Variants in MED16 observed in about 807,000 individuals in gnomAD.
MED16 encodes mediator complex subunit 16.
A neutral mutation model predicts 84.4 loss-of-function variants in MED16; 81 were observed. The ratio of observed to expected loss-of-function variants is 0.96; its 90% CI spans 0.80 to 1.15. MED16 has a LOEUF of 1.15. Ranked by LOEUF, MED16 falls within the 50% of genes most tolerant of loss-of-function variation. MED16 has a pLI of 0.00. For synonymous variants in MED16, 897 were observed against 552.2 expected, an observed-to-expected ratio of 1.62 and a Z score of -8.76; for missense variants, 1,585 against 1,245.9, an observed-to-expected ratio of 1.27 and a Z score of -4.10.
intron 6 of MED16, among the ~76,000 whole-genome samples, chr19:883,909 C>A (rs531656068): frequency 1.3e-5 from 2 of 152,234 alleles, no homozygotes; most frequent in South Asian, 2.1e-4. Context: ...GAAGGAATGG[C>A]AGCAGCCCTC....
Position 884,896 on chromosome 19 carries a change from G to A in MED16, c.985+7C>T, listed in dbSNP as rs149465001. 574 of 1,600,862 alleles carry A rather than the reference G, an allele frequency of 3.6e-4. 5 individuals are homozygous for A. In the East Asian group the frequency reaches 0.012, roughly 35 times the overall value. On this transcript the variant is annotated splice_region_variant and intron_variant, in intron 6 of 15. Coordinates refer to ENST00000325464, the MANE Select transcript of MED16 (RefSeq NM_005481.3). The stretch of plus-strand genomic sequence containing the variant: ...CCCAGGGCCTCCGCAGCCGGCGGGA[G>A]ACTCACCCACGGGGGAGATCTGCTG...
chr19:882,765 T>A (rs1167559664), intron 6 of MED16, among the ~76,000 whole-genome samples: 1 of 152,216 alleles, frequency 6.6e-6, no homozygotes, highest in Non-Finnish European at 1.5e-5. Context: ...TGGGGCTGGC[T>A]TGTTACTCGG....
At chr19:872,418 G>GC (rs909604502) in intron 11 of MED16, among the ~76,000 whole-genome samples, 1 of 152,016 alleles carries the variant, frequency 6.6e-6, no homozygotes, top group South Asian at 2.1e-4. Context: ...AGGAGCAGCC[G>GC]CCCCCTCCTA....
intron 13 of MED16, 60 bp from the exon 14 acceptor site, chr19:869,006 G>C (rs1284091712): frequency 7.0e-7 from 1 of 1,434,352 alleles, no homozygotes; most frequent in Non-Finnish European, 9.3e-7. Context: ...GGTTCCGGCA[G>C]GGGCATCTGT....
In MED16 at chr19:885,760, G is replaced by A. The variant is rs142466928; in HGVS notation, c.879+10C>T. ...CCTGCCAGCCCACGTGATGGCCTGC[G>A]CCCGTTCACCTGCTCCGACATGTCC... On this transcript the variant is annotated intron_variant, in intron 5 of 15. Coordinates refer to ENST00000325464, the MANE Select transcript of MED16 (RefSeq NM_005481.3). 130 of 1,602,332 alleles carry A rather than the reference G, an allele frequency of 8.1e-5. No homozygotes were observed. The highest frequency in any genetic ancestry group is 4.7e-4 in the African/African-American group (35 of 75,018).
chr19:883,551 C>A (rs1429536201), intron 6 of MED16, among the ~76,000 whole-genome samples: 2 of 152,100 alleles, frequency 1.3e-5, no homozygotes, highest in African/African-American at 4.8e-5. Flanking sequence ...TGACCCCCAG[C>A]TGCCAGGGAT....
At chr19:883,367 G>A (rs1341415817) in intron 6 of MED16, among the ~76,000 whole-genome samples, 2 of 145,138 alleles carry the variant, frequency 1.4e-5, no homozygotes, top group African/African-American at 2.6e-5. Context: ...CGGTGGGCAC[G>A]TGGGGTGGTG....
rs2036395089 is a variant in MED16, at chr19:880,376, C to G, written c.1142-228G>C. Among the ~76,000 whole-genome samples, 3 of 152,370 alleles carry G rather than the reference C, an allele frequency of 2.0e-5. No homozygotes were observed. In the South Asian group the frequency reaches 6.2e-4, roughly 32 times the overall value. ...GCAGCCTTGGCCACACTGCTCCCAG[C>G]CCCTCCCCGCCCCTCCCAGCTGGGC... On this transcript the variant is annotated intron_variant, in intron 7 of 15. Transcript: ENST00000325464.
At position 886,071 on chromosome 19, in the gene MED16, AG is replaced by A; in HGVS notation, c.577del (p.Leu193Ter). ...CGTCAGCACCTGCCCGCTGGGCTTC[AG>A]CAGGGACACGGTGACCAGGCCGCTG... ...TVSGLVTVSL[L>X]KPSGQVLTST... On this transcript the variant is annotated frameshift_variant, in exon 5 of 16. Transcript: ENST00000325464. LOFTEE classifies it high-confidence loss of function. The A allele has an allele frequency of 1.3e-6, 2 of 1,595,800 alleles. No individual in the cohort carries two copies. The highest frequency in any genetic ancestry group is 1.7e-6 in the Non-Finnish European group (2 of 1,175,180).
chr19:872,457 G>C (rs1247072194), intron 11 of MED16, among the ~76,000 whole-genome samples: 1 of 152,062 alleles, frequency 6.6e-6, no homozygotes, highest in Admixed American at 6.5e-5. Context: ...CCTGGTGACT[G>C]TACTGGGAGC....
chr19:891,291 T>G, intron 1 of MED16, 142 bp from the exon 2 acceptor site: 1 of 784,112 alleles, frequency 1.3e-6, no homozygotes, highest in South Asian at 1.8e-5. Flanking sequence ...AGACAGAGCC[T>G]GGGGCTGGGG....
rs763320666 is a variant in MED16, at chr19:872,084, C to G, written c.1940G>C (p.Arg647Pro). Residue 647 changes from arginine to proline, a missense_variant, in exon 12 of 16, where the codon CGG becomes CCG. Arg to Pro is a moderately radical substitution (Grantham distance 103, BLOSUM62 -2). Coordinates refer to ENST00000325464, the MANE Select transcript of MED16 (RefSeq NM_005481.3). ...SLLRPGHSFL[R>P]DGTSLGMLRE... ...AAGCATGCCCAGCGAGGTGCCGTCC[C>G]GCAGAAAGCTGTGGCCCGGCCTCAG... 6.2e-7 allele frequency: 1 copy of G among 1,608,718 alleles called. No homozygotes were observed. Among genetic ancestry groups the G allele is most frequent in the South Asian group, 1.1e-5 (1 of 90,768 alleles).
chr19:885,115 C>T, intron 5 of MED16, 107 bp from the exon 6 acceptor site: 2 of 814,868 alleles, frequency 2.5e-6, no homozygotes, highest in South Asian at 1.5e-5. Flanking sequence ...CTGGGCCTGT[C>T]TCTTCAGCCA....
At chr19:888,206 A>AAAAC (rs369283862) in intron 4 of MED16, among the ~76,000 whole-genome samples, 25 of 151,168 alleles carry the variant, frequency 1.7e-4, no homozygotes, top group African/African-American at 5.4e-4. Flanking sequence ...CCTGTCTCAA[A>AAAAC]AAACAAACAA....
intron 1 of MED16, among the ~76,000 whole-genome samples, chr19:891,480 G>A (rs944386289): frequency 1.2e-4 from 19 of 152,298 alleles, no homozygotes; most frequent in South Asian, 4.1e-4. Flanking sequence ...GAGGGTCTGC[G>A]CTGGCCCAGG....
rs368724443 is a variant in MED16 at position 882,756 on chromosome 19, G to A, written c.986-1042C>T. Among the ~76,000 whole-genome samples the A allele has an allele frequency of 1.1e-3, 169 of 152,370 alleles. 3 individuals carry two copies. The highest frequency in any genetic ancestry group is 4.0e-3 in the African/African-American group (167 of 41,590). On this transcript the variant is annotated intron_variant, in intron 6 of 15. Coordinates refer to ENST00000325464, the MANE Select transcript of MED16 (RefSeq NM_005481.3). ...GCTGCTGGCCTGAGCTGCTCAGTTT[G>A]GGGCTGGCTTGTTACTCGGCTGAAG... is the stretch of plus-strand genomic sequence containing the variant.
chr19:890,268 C>T, intron 2 of MED16, 24 bp from the exon 3 acceptor site: 2 of 1,448,624 alleles, frequency 1.4e-6, no homozygotes, highest in African/African-American at 1.4e-5. Context: ...GCATGGTCAG[C>T]ACGGCCTGGC....
intron 4 of MED16, among the ~76,000 whole-genome samples, chr19:888,736 G>A (rs986773731): frequency 2.6e-5 from 4 of 152,130 alleles, no homozygotes; most frequent in African/African-American, 9.7e-5. Flanking sequence ...GCACCCCGGA[G>A]GGCCCCCGTG....
chr19:884,902 C>T lies in MED16; in HGVS notation c.985+1G>A. 2 of 1,604,166 alleles carry T rather than the reference C, an allele frequency of 1.2e-6. No individual in the cohort carries two copies. The highest frequency in any genetic ancestry group is 2.2e-5 in the East Asian group (1 of 44,680). On this transcript the variant is annotated splice_donor_variant, in intron 6 of 15. Coordinates refer to ENST00000325464, the MANE Select transcript of MED16 (RefSeq NM_005481.3). LOFTEE classifies it high-confidence loss of function. ...GCCTCCGCAGCCGGCGGGAGACTCA[C>T]CCACGGGGGAGATCTGCTGGAAGAT...
Sources: allele counts gnomAD v4.1 joint callset (sites outside exome capture counted in the v4.1 genomes callset), GRCh38; gene constraint gnomAD v4.1.1; transcripts MANE v1.5; gene names NCBI Gene and HGNC (gene_info 2026-07-23, HGNC 2026-07-21).